The following UGT1A1 variants were observed in gnomAD, a reference collection of about 807,000 sequenced individuals.
UGT1A1 encodes the protein UDP glucuronosyltransferase family 1 member A1.
In UGT1A1, 33 loss-of-function variants were observed where a neutral mutation model predicts 40.6. The ratio of observed to expected loss-of-function variants is 0.81; its 90% CI spans 0.62 to 1.09. The LOEUF (loss-of-function observed/expected upper bound fraction) is 1.09, where lower values mean the gene tolerates loss of function less well. Ranked by LOEUF, UGT1A1 falls within the 50% of genes least tolerant of loss-of-function variation. UGT1A1 has a pLI of 0.00. For missense variants in UGT1A1, 694 were observed against 671.2 expected, an observed-to-expected ratio of 1.03 and a Z score of -0.38; for synonymous variants, 249 against 265.0, an observed-to-expected ratio of 0.94 and a Z score of 0.59.
At chr2:233,768,723 C>T (rs1162218085) in intron 4 of UGT1A1, among the ~76,000 whole-genome samples, 1 of 151,234 alleles carries the variant, frequency 6.6e-6, no homozygotes, top group Non-Finnish European at 1.5e-5. Flanking sequence ...GCTGGGATTA[C>T]AGGTGTCCAC....
Position 233,760,461 on chromosome 2 carries a change from T to A in UGT1A1, c.174T>A (p.Val58=). Residue 58 remains valine (V), a synonymous_variant, in exon 1 of 5, where the codon GTT becomes GTA. Coordinates refer to ENST00000305208, the MANE Select transcript of UGT1A1 (RefSeq NM_000463.3). ...TGCAGCAGAGGGGACATGAAATAGT[T>A]GTCCTAGCACCTGACGCCTCGTTGT... The part of the protein sequence containing the change: ...QQLQQRGHEI[V]VLAPDASLYI... 1 of 1,614,224 alleles carries A rather than the reference T, an allele frequency of 6.2e-7. No homozygotes were observed. The highest frequency in any genetic ancestry group is 8.5e-7 in the Non-Finnish European group (1 of 1,180,046).
chr2:233,768,426 A>G lies in UGT1A1; in HGVS notation c.1291A>G (p.Ile431Val), dbSNP rs1699609546. 6.2e-7 allele frequency: 1 copy of G among 1,614,122 alleles called. No homozygotes were observed. Among genetic ancestry groups the G allele is most frequent in the African/African-American group, 1.3e-5 (1 of 75,056 alleles). The change falls in exon 4 of 5, where the codon ATC (isoleucine) becomes GTC (valine). Residue 431 changes from isoleucine (I) to valine (V), a missense_variant. By Grantham distance (29) the Ile-to-Val change is conservative. Transcript: ENST00000305208. ...EDLENALKAVINDKSYKENIM... is the reference protein window; with the variant it reads ...EDLENALKAVVNDKSYKENIM... ...TTTAGAAAATGCTCTAAAAGCAGTC[A>G]TCAATGACAAAAGGTAAGAAAGAAG...
chr2:233,767,947 C>T lies in UGT1A1; in HGVS notation c.1084+11C>T, dbSNP rs61764033. On this transcript the variant is annotated intron_variant, in intron 3 of 4. Coordinates refer to ENST00000305208, the MANE Select transcript of UGT1A1 (RefSeq NM_000463.3). ...AAAACGATCTGCTTGGTATGTTGGG[C>T]GGATTGGATGTATAGGTCAAACCAG... 4.4e-5 allele frequency: 71 copies of T among 1,614,092 alleles called. No individual in the cohort carries two copies. Among genetic ancestry groups the T allele is most frequent in the Middle Eastern group, 1.6e-4 (1 of 6,062 alleles).
rs1205477836 is a variant in UGT1A1 at position 233,760,858 on chromosome 2, TC to T, written c.573del (p.Tyr192ThrfsTer13). 2.5e-6 allele frequency: 4 copies of T among 1,613,972 alleles called. No homozygotes were observed. In the African/African-American group the frequency reaches 4.0e-5, roughly 16 times the overall value. On this transcript the variant is annotated frameshift_variant, in exon 1 of 5. Transcript: ENST00000305208. LOFTEE classifies it high-confidence loss of function. ...GGCTACCCAGTGCCCCAACCCATTC[TC>T]CTACGTGCCCAGGCCTCTCTCCTCT... is the stretch of plus-strand genomic sequence containing the variant. Reference protein sequence around the residue: ...FEATQCPNPFSYVPRPLSSHS... With the variant: ...FEATQCPNPFXYVPRPLSSHS...
rs1700546112 is a variant in UGT1A1 at position 233,772,763 on chromosome 2, C to T, written c.*204C>T. ...TAAAGATATTTGAATATGTATCGTGCCCCCTCTGGTGTCTTTGATCAGGAT... is the reference window on the plus strand; with the variant it reads ...TAAAGATATTTGAATATGTATCGTGTCCCCTCTGGTGTCTTTGATCAGGAT... On this transcript the variant is annotated 3_prime_UTR_variant, in exon 5 of 5. Transcript: ENST00000305208. 1 of 1,384,392 alleles carries T rather than the reference C, an allele frequency of 7.2e-7. No individual in the cohort carries two copies. Among genetic ancestry groups the T allele is most frequent in the South Asian group, 1.5e-5 (1 of 65,502 alleles). The allele number at this position is 1,384,392 out of a possible 1,614,324, so 85.8% of individuals were successfully genotyped here. A position where few individuals can be genotyped will look rare whatever the true frequency, so the allele number is the denominator to read the frequency against.
Position 233,772,271 on chromosome 2 carries a change from G to A in UGT1A1, c.1314G>A (p.Glu438=). The A allele has an allele frequency of 6.2e-7, 1 of 1,614,244 alleles. No individual in the cohort carries two copies. Among genetic ancestry groups the A allele is most frequent in the Non-Finnish European group, 8.5e-7 (1 of 1,180,050 alleles). Residue 438 remains glutamate, a synonymous_variant, in exon 5 of 5, where the codon GAG becomes GAA. Transcript: ENST00000305208. The stretch of plus-strand genomic sequence containing the variant: ...CTGTCTTTGTGTTTAGTTACAAGGA[G>A]AACATCATGCGCCTCTCCAGCCTTC... ...KAVINDKSYK[E]NIMRLSSLHK...
At chr2:233,761,616 T>C (rs1314305067) in intron 1 of UGT1A1, among the ~76,000 whole-genome samples, 1 of 152,246 alleles carries the variant, frequency 6.6e-6, no homozygotes, top group East Asian at 1.9e-4. Flanking sequence ...AATATTCTGA[T>C]AAGAAGCTAA....
rs1697618719 is a variant in UGT1A1, at chr2:233,760,933, G to A, written c.646G>A (p.Ala216Thr). The A allele has an allele frequency of 1.9e-6, 3 of 1,614,198 alleles. No individual in the cohort carries two copies. Among genetic ancestry groups the A allele is most frequent in the South Asian group, 1.1e-5 (1 of 91,078 alleles). The change falls in exon 1 of 5, where the codon GCC becomes ACC. Residue 216 changes from alanine (A) to threonine (T), a missense_variant. Physicochemically the swap from Ala to Thr is moderately conservative, Grantham distance 58. Transcript: ENST00000305208. Reference protein sequence around the residue: ...FLQRVKNMLIAFSQNFLCDVV... With the variant: ...FLQRVKNMLITFSQNFLCDVV... ...GCAGCGGGTGAAGAACATGCTCATT[G>A]CCTTTTCACAGAACTTTCTGTGCGA...
In UGT1A1 at chr2:233,760,624, T is replaced by G. The variant is rs1305127348; in HGVS notation, c.337T>G (p.Tyr113Asp). The stretch of plus-strand genomic sequence containing the variant: ...TTTCCTGCAGCGTGTGATCAAAACA[T>G]ACAAGAAAATAAAAAAGGACTCTGC... ...DSFLQRVIKTYKKIKKDSAML... is the reference protein window; with the variant it reads ...DSFLQRVIKTDKKIKKDSAML... The change falls in exon 1 of 5, where the codon TAC (tyrosine) becomes GAC (aspartate). Residue 113 changes from tyrosine to aspartate, a missense_variant. Tyr to Asp is a radical substitution (Grantham distance 160). Transcript: ENST00000305208. 1 of 1,614,172 alleles carries G rather than the reference T, an allele frequency of 6.2e-7. No homozygotes were observed. Among genetic ancestry groups the G allele is most frequent in the Non-Finnish European group, 8.5e-7 (1 of 1,180,024 alleles).
Position 233,769,262 on chromosome 2 carries a change from G to A in UGT1A1, c.1304+823G>A, listed in dbSNP as rs1197405588. ...TTTGCTCAAATGTGGCCCTGAAAAC[G>A]ATTCAAAGGGCAAATGATTTCTGGA... is the stretch of plus-strand genomic sequence containing the variant. On this transcript the variant is annotated intron_variant, in intron 4 of 4. Coordinates refer to ENST00000305208, the MANE Select transcript of UGT1A1 (RefSeq NM_000463.3). The surrounding 1 kb of genome is among the most constrained non-coding windows in gnomAD (Gnocchi z 4.4). Among the ~76,000 whole-genome samples the A allele has an allele frequency of 1.3e-5, 2 of 152,184 alleles. No homozygotes were observed. The highest frequency in any genetic ancestry group is 2.9e-5 in the Non-Finnish European group (2 of 68,036).
At chr2:233,766,271 G>A (rs926044962) in intron 1 of UGT1A1, among the ~76,000 whole-genome samples, 6 of 67,896 alleles carry the variant, frequency 8.8e-5, no homozygotes, top group Non-Finnish European at 1.8e-4. Context: ...GCCCGGGCTC[G>A]GTGGCCCGGG....
At position 233,760,463 on chromosome 2, in the gene UGT1A1, T is replaced by C; in HGVS notation, c.176T>C (p.Val59Ala). ...CAGCAGAGGGGACATGAAATAGTTG[T>C]CCTAGCACCTGACGCCTCGTTGTAC... ...QLQQRGHEIV[V>A]LAPDASLYIR... The change falls in exon 1 of 5, where the codon GTC becomes GCC. Residue 59 changes from valine to alanine, a missense_variant. Val to Ala is a moderately conservative substitution (Grantham distance 64). Transcript: ENST00000305208. 1 of 1,614,204 alleles carries C rather than the reference T, an allele frequency of 6.2e-7. No homozygotes were observed. The highest frequency in any genetic ancestry group is 8.5e-7 in the Non-Finnish European group (1 of 1,180,042).
chr2:233,768,143 G>A lies in UGT1A1; in HGVS notation c.1085-77G>A, dbSNP rs995477416. ...GTGAGTAACACTGAGTCTTTGGAGTGTTTTCAGAACCTAGATGTGTCCAGC... is the reference window on the plus strand; with the variant it reads ...GTGAGTAACACTGAGTCTTTGGAGTATTTTCAGAACCTAGATGTGTCCAGC... On this transcript the variant is annotated intron_variant, in intron 3 of 4. Coordinates refer to ENST00000305208, the MANE Select transcript of UGT1A1 (RefSeq NM_000463.3). 1.6e-5 allele frequency: 26 copies of A among 1,610,468 alleles called. No homozygotes were observed. In the African/African-American group the frequency reaches 3.5e-4, roughly 22 times the overall value.
At chr2:233,765,252 C>T (rs1390588094) in intron 1 of UGT1A1, among the ~76,000 whole-genome samples, 1 of 152,180 alleles carries the variant, frequency 6.6e-6, no homozygotes, top group Non-Finnish European at 1.5e-5. Flanking sequence ...AATCCCATTA[C>T]TGGGTATATA....
Position 233,769,406 on chromosome 2 carries a change from T to C in UGT1A1, c.1304+967T>C. Reference sequence around the variant, plus strand: ...AATAGATACTGTGTGCATATGTGCGTGTGCGTTTGTGCATGTGGCTGTGCT... The same window carrying C: ...AATAGATACTGTGTGCATATGTGCGCGTGCGTTTGTGCATGTGGCTGTGCT... On this transcript the variant is annotated intron_variant, in intron 4 of 4. Transcript: ENST00000305208. This position sits in a 1 kb window ranked among gnomAD's most constrained non-coding sequence, Gnocchi z 4.4. 1 of 1,252,262 alleles carries C rather than the reference T, an allele frequency of 8.0e-7. No individual in the cohort carries two copies. Among genetic ancestry groups the C allele is most frequent in the Non-Finnish European group, 1.1e-6 (1 of 876,920 alleles). The allele number at this position is 1,252,262 out of a possible 1,614,324, so 77.6% of individuals were successfully genotyped here.
chr2:233,766,888 A>G, intron 1 of UGT1A1, 146 bp from the exon 2 acceptor site: 1 of 1,462,694 alleles, frequency 6.8e-7, no homozygotes. Flanking sequence ...TGTAAAACTT[A>G]CATATTAATA....
Position 233,772,472 on chromosome 2 carries a change from C to A in UGT1A1, c.1515C>A (p.Ile505=). ...CCGTCGTGCTGACAGTGGCCTTCAT[C>A]ACCTTTAAATGTTGTGCTTATGGCT... The part of the protein sequence containing the change: ...LLAVVLTVAF[I]TFKCCAYGYR... Residue 505 remains isoleucine (I), a synonymous_variant, in exon 5 of 5, where the codon ATC becomes ATA. Transcript: ENST00000305208. The A allele has an allele frequency of 6.2e-7, 1 of 1,614,132 alleles. No homozygotes were observed. Among genetic ancestry groups the A allele is most frequent in the Non-Finnish European group, 8.5e-7 (1 of 1,180,020 alleles).
At position 233,768,623 on chromosome 2, in the gene UGT1A1, G is replaced by A. The variant is rs1319443320; in HGVS notation, c.1304+184G>A. On this transcript the variant is annotated intron_variant, in intron 4 of 4. Coordinates refer to ENST00000305208, the MANE Select transcript of UGT1A1 (RefSeq NM_000463.3). ...TTTTTTTGAGATGGAGTCTTGCTCT[G>A]TCACCTAGGCTGGAGTGCAGTGGTG... Among the ~76,000 whole-genome samples, 3 of 112,724 alleles carry A rather than the reference G, an allele frequency of 2.7e-5. No individual in the cohort carries two copies. The Admixed American group carries it at 3.9e-4, about 15-fold the overall frequency. The allele number at this position is 112,724 out of a possible 152,430, so 74.0% of individuals were successfully genotyped here.
At chr2:233,765,068 C>T (rs1698740394) in intron 1 of UGT1A1, among the ~76,000 whole-genome samples, 1 of 152,072 alleles carries the variant, frequency 6.6e-6, no homozygotes. Flanking sequence ...TCAGAGGTCT[C>T]CTGTGTCTCA....
Sources: allele counts gnomAD v4.1 joint callset (sites outside exome capture counted in the v4.1 genomes callset), GRCh38; gene constraint gnomAD v4.1.1; non-coding constraint Gnocchi (gnomAD v3.1); transcripts MANE v1.5; gene names NCBI Gene and HGNC (gene_info 2026-07-23, HGNC 2026-07-21).